NRAP: variants seen among roughly 807,000 people sequenced by gnomAD.
NRAP encodes the protein nebulin related anchoring protein, also known as nebulin-related-anchoring protein.
A neutral mutation model predicts 225.9 loss-of-function variants in NRAP; 189 were observed. The observed-to-expected ratio is 0.84, with a 90% confidence interval of 0.74 to 0.94. The LOEUF (loss-of-function observed/expected upper bound fraction) is 0.94, where lower values mean the gene tolerates loss of function less well. Among genes scored for constraint, NRAP ranks in the 40% least tolerant of loss-of-function variants. NRAP has a pLI of 0.00. For synonymous variants in NRAP, 769 were observed against 790.7 expected (o/e 0.97, Z 0.46); for missense variants, 2,176 against 2,168.7 (o/e 1.00, Z -0.07).
At position 113,589,002 on chromosome 10, in the gene NRAP, G is replaced by A; in HGVS notation, c.5166C>T (p.Val1722=). Residue 1722 remains valine, a synonymous_variant, in exon 42 of 42, where the codon GTC becomes GTT. Coordinates refer to ENST00000359988, the MANE Select transcript of NRAP (RefSeq NM_198060.4). The stretch of plus-strand genomic sequence containing the variant: ...ACAACAGCAGGGCCTTCTTCTTTTT[G>A]ACGTGCAGAATCTCAGTGGCATCTG... ...VNPDATEILH[V]KKKKALLL 10 of 1,613,830 alleles carry A rather than the reference G, an allele frequency of 6.2e-6. No individual in the cohort carries two copies. Among genetic ancestry groups the A allele is most frequent in the Non-Finnish European group, 7.6e-6 (9 of 1,179,876 alleles).
chr10:113,621,936 T>C lies in NRAP; in HGVS notation c.2702A>G (p.His901Arg), dbSNP rs759566906. The change falls in exon 24 of 42, where the codon CAC becomes CGC. Residue 901 changes from histidine (H) to arginine (R), a missense_variant. His to Arg is a conservative substitution (Grantham distance 29). Transcript: ENST00000359988. ...TDVGYKTAEH[H>R]FTALPTDMKV... The stretch of plus-strand genomic sequence containing the variant: ...CATGTCTGTGGGCAAAGCCGTAAAG[T>C]GATGTTCCGCTGTCTTGTAGCCTAC... The C allele has an allele frequency of 3.7e-6, 6 of 1,614,080 alleles. No individual in the cohort carries two copies. The African/African-American group carries it at 6.7e-5, about 18-fold the overall frequency.
Position 113,615,823 on chromosome 10 carries a change from A to T in NRAP, c.2974-7T>A. The T allele has an allele frequency of 6.6e-7, 1 of 1,514,282 alleles. No individual in the cohort carries two copies. Among genetic ancestry groups the T allele is most frequent in the Non-Finnish European group, 9.2e-7 (1 of 1,089,348 alleles). 93.8% of individuals were successfully genotyped at this position (1,514,282 alleles called of 1,614,324 possible). The stretch of plus-strand genomic sequence containing the variant: ...CTTGTTCCCTGTATAATCTCTGTGG[A>T]TGGAAGGAGGTTTTGCATGAAACCT... On this transcript the variant is annotated splice_region_variant and splice_polypyrimidine_tract_variant and intron_variant, in intron 26 of 41. Coordinates refer to ENST00000359988, the MANE Select transcript of NRAP (RefSeq NM_198060.4).
Position 113,654,079 on chromosome 10 carries a change from C to T in NRAP, c.407G>A (p.Gly136Glu), listed in dbSNP as rs776747284. The T allele has an allele frequency of 6.2e-7, 1 of 1,613,856 alleles. No individual in the cohort carries two copies. The highest frequency in any genetic ancestry group is 1.1e-5 in the South Asian group (1 of 91,056). Reference protein sequence around the residue: ...GYGEGNAWCPGALPDPEIVRM... With the variant: ...GYGEGNAWCPEALPDPEIVRM... ...TACAATTTCGGGGTCTGGCAGAGCT[C>T]CTGGGCACCAAGCATTCCCTTCCCC... Residue 136 changes from glycine to glutamate, a missense_variant, in exon 5 of 42, where the codon GGA (glycine) becomes GAA (glutamate). This residue lies in a region of NRAP where 1,708 missense variants were observed against 1,695.5 expected (regional missense o/e 1.01). Transcript: ENST00000359988.
chr10:113,624,924 A>G lies in NRAP; in HGVS notation c.2251T>C (p.Tyr751His), dbSNP rs1468118826. The change falls in exon 22 of 42, where the codon TAC becomes CAC. Residue 751 changes from tyrosine (Y) to histidine (H), a missense_variant. Transcript: ENST00000359988. ...KSQELQSGVA[Y>H]KAGNEQSVHQ... ...ACAGACTGCTCATTTCCTGCCTTGT[A>G]GGCCACCTGTTGGGAAAGAGCACTG... 1 of 1,612,062 alleles carries G rather than the reference A, an allele frequency of 6.2e-7. No individual in the cohort carries two copies. Among genetic ancestry groups the G allele is most frequent in the African/African-American group, 1.3e-5 (1 of 74,994 alleles).
At chr10:113,610,022 A>T (rs1224599394) in intron 31 of NRAP, among the ~76,000 whole-genome samples, 1 of 152,032 alleles carries the variant, frequency 6.6e-6, no homozygotes, top group African/African-American at 2.4e-5. Flanking sequence ...ACTGCTGCTA[A>T]GAGTTTAACA....
At chr10:113,647,981 C>T (rs1466953609) in intron 9 of NRAP, among the ~76,000 whole-genome samples, 1 of 152,228 alleles carries the variant, frequency 6.6e-6, no homozygotes, top group Non-Finnish European at 1.5e-5. Flanking sequence ...TACTTTAAGA[C>T]CCAGCTTAGG....
chr10:113,645,797 A>G (rs771648743), intron 11 of NRAP, 28 bp downstream of exon 11: 1 of 1,126,372 alleles, frequency 8.9e-7, no homozygotes, highest in Non-Finnish European at 1.3e-6. Context: ...GGTGATGCTC[A>G]TGGGTGTGAC....
chr10:113,615,592 G>A, intron 27 of NRAP, 120 bp downstream of exon 27: 2 of 695,298 alleles, frequency 2.9e-6, no homozygotes, highest in South Asian at 1.6e-5. Flanking sequence ...ATATTTCAAG[G>A]TGGTGATGGC....
chr10:113,658,602 C>A (rs1034719512), intron 3 of NRAP, among the ~76,000 whole-genome samples: 5 of 152,008 alleles, frequency 3.3e-5, no homozygotes, highest in Admixed American at 3.3e-4. Context: ...CAATTTTGGC[C>A]GGGCGCAGTA....
chr10:113,590,894 A>C lies in NRAP; in HGVS notation c.4645-5T>G. 6.2e-7 allele frequency: 1 copy of C among 1,612,486 alleles called. No homozygotes were observed. The highest frequency in any genetic ancestry group is 8.5e-7 in the Non-Finnish European group (1 of 1,178,738). ...GAAAGCCTCTTTGTACCGGAACTGC[A>C]AGTCAGAGGAGCAGAGGCAGATCAT... On this transcript the variant is annotated splice_polypyrimidine_tract_variant and splice_region_variant and intron_variant, in intron 39 of 41. Coordinates refer to ENST00000359988, the MANE Select transcript of NRAP (RefSeq NM_198060.4).
chr10:113,656,356 G>A (rs1046148063), intron 4 of NRAP, among the ~76,000 whole-genome samples: 1 of 152,122 alleles, frequency 6.6e-6, no homozygotes, highest in Non-Finnish European at 1.5e-5. Flanking sequence ...TGGAACCAAT[G>A]TACACCTCAC....
intron 19 of NRAP, 57 bp from the exon 20 acceptor site, chr10:113,629,078 G>A: frequency 2.5e-6 from 3 of 1,184,814 alleles, no homozygotes; most frequent in East Asian, 2.3e-5. Flanking sequence ...ACAGGACAAA[G>A]TTGATGGGAG....
chr10:113,648,467 C>CTCTATATATATA (rs749486311), intron 9 of NRAP, among the ~76,000 whole-genome samples: 80 of 87,368 alleles, frequency 9.2e-4, no homozygotes, highest in East Asian at 1.7e-3. Context: ...CTCTCTCTCT[C>CTCTATATATATA]TATATATATA....
chr10:113,601,187 G>A (rs1007113807), intron 35 of NRAP, among the ~76,000 whole-genome samples: 4 of 152,190 alleles, frequency 2.6e-5, no homozygotes, highest in African/African-American at 4.8e-5. Context: ...AGACTGGGCC[G>A]GGCTGGTCCG....
chr10:113,651,749 G>A (rs1849982689), intron 7 of NRAP, 54 bp downstream of exon 7: 9 of 997,148 alleles, frequency 9.0e-6, no homozygotes, highest in South Asian at 7.7e-5. Flanking sequence ...GAGCAAAGAT[G>A]AGGAATCAAC....
rs144655003 is a variant in NRAP at position 113,608,489 on chromosome 10, G to A, written c.3627C>T (p.His1209=). The A allele has an allele frequency of 2.6e-5, 42 of 1,612,514 alleles. No homozygotes were observed. In the African/African-American group the frequency reaches 3.9e-4, roughly 15 times the overall value. The change falls in exon 32 of 42, where the codon CAC becomes CAT. Residue 1209 remains histidine (H), a synonymous_variant. Coordinates refer to ENST00000359988, the MANE Select transcript of NRAP (RefSeq NM_198060.4). ...ISESKYRQHP[H]SFKYTAVTDT... is the part of the protein sequence containing the mutation. ...CTGTCACAGCTGTGTACTTGAATGAGTGGGGATGCTGCCGATATTTACTCT... is the reference window on the plus strand; with the variant it reads ...CTGTCACAGCTGTGTACTTGAATGAATGGGGATGCTGCCGATATTTACTCT...
intron 26 of NRAP, 79 bp from the exon 27 acceptor site, chr10:113,615,895 C>T: frequency 1.2e-6 from 1 of 817,062 alleles, no homozygotes; most frequent in Non-Finnish European, 2.1e-6. Context: ...TTCAAGAGTC[C>T]AAGCTGCTGC....
intron 18 of NRAP, 21 bp from the exon 19 acceptor site, chr10:113,629,806 GC>G: frequency 6.4e-7 from 1 of 1,564,710 alleles, no homozygotes; most frequent in Non-Finnish European, 8.8e-7. Context: ...CCAAAACAAG[GC>G]CCGTTTTGTT....
At chr10:113,647,802 G>A (rs557060233) in intron 9 of NRAP, among the ~76,000 whole-genome samples, 1 of 152,308 alleles carries the variant, frequency 6.6e-6, no homozygotes, top group South Asian at 2.1e-4. Flanking sequence ...ATTACCATAA[G>A]ATTATCTGAA....
Sources: allele counts gnomAD v4.1 joint callset (sites outside exome capture counted in the v4.1 genomes callset), GRCh38; gene constraint gnomAD v4.1.1; regional missense constraint gnomAD v4.1.1; transcripts MANE v1.5; gene names NCBI Gene and HGNC (gene_info 2026-07-23, HGNC 2026-07-21).